DAPK1: variants seen among roughly 807,000 people sequenced by gnomAD.
DAPK1 encodes the protein death-associated protein kinase 1.
DAPK1 carries 56 observed loss-of-function variants against 144.9 expected under a neutral mutation model. The observed-to-expected ratio is 0.39, with a 90% CI of 0.31 to 0.48. The LOEUF is 0.48. Ranked by LOEUF, DAPK1 falls within the 20% of genes least tolerant of loss-of-function variation. DAPK1 has a pLI of 0.95. For missense variants in DAPK1, 1,454 were observed against 1,875.4 expected (o/e 0.78, Z 4.15); for synonymous variants, 690 against 749.0 (o/e 0.92, Z 1.29).
intron 2 of DAPK1, among the ~76,000 whole-genome samples, chr9:87,521,331 G>A (rs1105384): frequency 0.25 from 37,974 of 152,172 alleles, 5,797 homozygotes; most frequent in South Asian, 0.41. Flanking sequence ...GGTCTGGAAA[G>A]GCAGGTGCTT....
chr9:87,602,033 G>C (rs1199472796), intron 2 of DAPK1, among the ~76,000 whole-genome samples: 1 of 152,158 alleles, frequency 6.6e-6, no homozygotes, highest in Non-Finnish European at 1.5e-5. Context: ...GGGAGGGTGG[G>C]AAAGGCAAGA....
At chr9:87,572,827 C>T (rs968974346) in intron 2 of DAPK1, among the ~76,000 whole-genome samples, 1 of 152,136 alleles carries the variant, frequency 6.6e-6, no homozygotes, top group African/African-American at 2.4e-5. Flanking sequence ...CAAGAACAGC[C>T]TAACACTGTA....
chr9:87,552,812 G>T (rs1826546458), intron 2 of DAPK1, among the ~76,000 whole-genome samples: 1 of 151,272 alleles, frequency 6.6e-6, no homozygotes, highest in African/African-American at 2.4e-5. Flanking sequence ...CGTTGCTCAG[G>T]CTGTTCTAGA....
At position 87,707,876 on chromosome 9, in the gene DAPK1, A is replaced by G; in HGVS notation, c.*512A>G. 2.2e-6 allele frequency: 1 copy of G among 456,714 alleles called. No individual in the cohort carries two copies. Among genetic ancestry groups the G allele is most frequent in the Non-Finnish European group, 4.4e-6 (1 of 227,030 alleles). The allele number at this position is 456,714 out of a possible 1,614,324, so 28.3% of individuals were successfully genotyped here. On this transcript the variant is annotated 3_prime_UTR_variant, in exon 26 of 26. Transcript: ENST00000408954. This position sits in a 1 kb window ranked among gnomAD's most constrained non-coding sequence, Gnocchi z 4.0. ...TATGGAATCCCACTGTATGATTTATAAACAGACAATATGTGAGTGCCTTTT... is the reference window on the plus strand; with the variant it reads ...TATGGAATCCCACTGTATGATTTATGAACAGACAATATGTGAGTGCCTTTT...
chr9:87,518,393 G>T (rs969795269), intron 2 of DAPK1, among the ~76,000 whole-genome samples: 1 of 151,008 alleles, frequency 6.6e-6, no homozygotes, highest in African/African-American at 2.4e-5. Context: ...CTCCCAAAGT[G>T]CTGGGATTAT....
chr9:87,645,874 A>C (rs747695522), intron 11 of DAPK1, 21 bp from the exon 12 acceptor site: 2 of 1,612,792 alleles, frequency 1.2e-6, no homozygotes, highest in African/African-American at 2.7e-5. Flanking sequence ...CTCTGTTTCC[A>C]TCTTGGCTGT....
intron 2 of DAPK1, among the ~76,000 whole-genome samples, chr9:87,602,424 G>A (rs900488893): frequency 3.3e-5 from 5 of 152,092 alleles, no homozygotes; most frequent in Admixed American, 1.3e-4. Flanking sequence ...CAGTTCCCTC[G>A]GGCATGAGCA....
intron 10 of DAPK1, among the ~76,000 whole-genome samples, chr9:87,642,503 G>C (rs1346201584): frequency 6.6e-6 from 1 of 152,112 alleles, no homozygotes; most frequent in Non-Finnish European, 1.5e-5. Flanking sequence ...AGCATTTGCA[G>C]GGTGGCCTGT....
intron 2 of DAPK1, among the ~76,000 whole-genome samples, chr9:87,570,426 C>G (rs1007292942): frequency 6.6e-6 from 1 of 152,170 alleles, no homozygotes; most frequent in African/African-American, 2.4e-5. Flanking sequence ...GTAAATCTGC[C>G]AGATGCCTCT....
intron 20 of DAPK1, among the ~76,000 whole-genome samples, chr9:87,682,792 G>A (rs979670802): frequency 6.6e-6 from 1 of 152,242 alleles, no homozygotes; most frequent in South Asian, 2.1e-4. Context: ...TGTTTTTACC[G>A]CTATTTCCCT....
intron 2 of DAPK1, among the ~76,000 whole-genome samples, chr9:87,545,555 T>A (rs535379145): frequency 4.6e-5 from 7 of 151,922 alleles, no homozygotes; most frequent in Non-Finnish European, 5.9e-5. Context: ...TTAAAAAAAA[T>A]TTTTTTTTGA....
intron 21 of DAPK1, among the ~76,000 whole-genome samples, chr9:87,690,574 G>T (rs1327655731): frequency 1.3e-5 from 2 of 151,972 alleles, no homozygotes; most frequent in Non-Finnish European, 2.9e-5. Flanking sequence ...GATGTAGGGG[G>T]CATTCTTGTC....
chr9:87,574,026 G>A (rs992520250), intron 2 of DAPK1, among the ~76,000 whole-genome samples: 1 of 152,160 alleles, frequency 6.6e-6, no homozygotes, highest in Non-Finnish European at 1.5e-5. Context: ...ATGCCACTGT[G>A]CTATCCTAAG....
intron 22 of DAPK1, chr9:87,698,303 G>A (rs1422266501): frequency 5.3e-6 from 1 of 189,840 alleles, no homozygotes; most frequent in Non-Finnish European, 1.1e-5. Context: ...GCTGCACTCA[G>A]GCGTCTCTCT....
chr9:87,627,155 C>T (rs562165685), intron 3 of DAPK1, among the ~76,000 whole-genome samples: 4 of 152,230 alleles, frequency 2.6e-5, no homozygotes, highest in Middle Eastern at 3.4e-3. Flanking sequence ...CATGGGGAGG[C>T]GCCCACATGG....
Position 87,571,477 on chromosome 9 carries a change from A to C in DAPK1, c.63-33477A>C, listed in dbSNP as rs1284466635. Among the ~76,000 whole-genome samples the C allele has an allele frequency of 4.3e-3, 62 of 14,554 alleles. 5 individuals carry two copies. Among genetic ancestry groups the C allele is most frequent in the African/African-American group, 5.2e-3 (11 of 2,106 alleles). 9.5% of individuals were successfully genotyped at this position (14,554 alleles called of 152,430 possible). A position where few individuals can be genotyped will look rare whatever the true frequency, so the allele number is the denominator to read the frequency against. On this transcript the variant is annotated intron_variant, in intron 2 of 25. Coordinates refer to ENST00000408954, the MANE Select transcript of DAPK1 (RefSeq NM_004938.4). ...CACACACACACACACACACACACCA[A>C]CACACACACACACACACCCCAACAC...
Position 87,640,804 on chromosome 9 carries a change from A to G in DAPK1, c.785A>G (p.Lys262Arg). Residue 262 changes from lysine (K) to arginine (R), a missense_variant and splice_region_variant, in exon 9 of 26, where the codon AAG (lysine) becomes AGG (arginine). Around this residue, in one of 2 missense-constraint regions of DAPK1, gnomAD observed 429 missense variants for 637.5 expected, o/e 0.67. Transcript: ENST00000408954. Reference sequence around the variant, plus strand: ...TTTCTTCTCCCCCTCCCCTCAAGGAAGAGAATGACAATTCAAGATAGTTTG... The same window carrying G: ...TTTCTTCTCCCCCTCCCCTCAAGGAGGAGAATGACAATTCAAGATAGTTTG... Reference protein sequence around the residue: ...IRRLLVKDPKKRMTIQDSLQH... With the variant: ...IRRLLVKDPKRRMTIQDSLQH... 2 of 1,614,178 alleles carry G rather than the reference A, an allele frequency of 1.2e-6. No homozygotes were observed. The highest frequency in any genetic ancestry group is 8.5e-7 in the Non-Finnish European group (1 of 1,179,996).
chr9:87,509,115 A>G (rs1824731233), intron 2 of DAPK1, among the ~76,000 whole-genome samples: 1 of 152,228 alleles, frequency 6.6e-6, no homozygotes, highest in African/African-American at 2.4e-5. Context: ...TTAATAGACT[A>G]GGAATTACAA....
intron 11 of DAPK1, among the ~76,000 whole-genome samples, chr9:87,644,229 CT>C (rs1156975436): frequency 6.6e-6 from 1 of 152,150 alleles, no homozygotes; most frequent in Non-Finnish European, 1.5e-5. Flanking sequence ...CTAATCCAAA[CT>C]GAAACCTAAT....
Sources: allele counts gnomAD v4.1 joint callset (sites outside exome capture counted in the v4.1 genomes callset), GRCh38; gene constraint gnomAD v4.1.1; regional missense constraint gnomAD v4.1.1; non-coding constraint Gnocchi (gnomAD v3.1); transcripts MANE v1.5; gene names NCBI Gene and HGNC (gene_info 2026-07-23, HGNC 2026-07-21).